AGBL4: variants seen among roughly 807,000 people sequenced by gnomAD.
AGBL4 encodes the protein AGBL carboxypeptidase 4, also known as cytosolic carboxypeptidase 6.
In AGBL4, 58 loss-of-function variants were observed where a neutral mutation model predicts 66.4. That is an observed-to-expected ratio of 0.87 (90% CI 0.71 to 1.09). AGBL4 has a LOEUF of 1.09. Ranked by LOEUF, AGBL4 falls within the 50% of genes least tolerant of loss-of-function variation. The pLI is 0.00. For synonymous variants in AGBL4, 234 were observed against 222.9 expected, an observed-to-expected ratio of 1.05 and a Z score of -0.44; for missense variants, 579 against 631.0, an observed-to-expected ratio of 0.92 and a Z score of 0.88.
intron 3 of AGBL4, among the ~76,000 whole-genome samples, chr1:49,249,666 C>T (rs1014354952): frequency 2.0e-5 from 3 of 152,056 alleles, no homozygotes; most frequent in Admixed American, 6.6e-5. Flanking sequence ...TATACAAGTT[C>T]CTCAAAATAC....
intron 6 of AGBL4, among the ~76,000 whole-genome samples, chr1:48,692,936 G>T (rs996445935): frequency 4.6e-5 from 7 of 152,126 alleles, no homozygotes; most frequent in Non-Finnish European, 8.8e-5. Flanking sequence ...TTCTTACCTG[G>T]ATTACTTCAT....
intron 6 of AGBL4, among the ~76,000 whole-genome samples, chr1:48,856,869 A>AGT (rs1647171632): frequency 6.6e-6 from 1 of 152,204 alleles, no homozygotes; most frequent in Non-Finnish European, 1.5e-5. Context: ...CATGTCCCTG[A>AGT]CATTCTAGGC....
At chr1:49,750,918 G>A (rs1029834785) in intron 2 of AGBL4, among the ~76,000 whole-genome samples, 6 of 152,164 alleles carry the variant, frequency 3.9e-5, no homozygotes, top group Non-Finnish European at 5.9e-5. Context: ...CAAATGATGC[G>A]ATTTTTGCAC....
intron 4 of AGBL4, 108 bp from the exon 5 acceptor site, chr1:49,045,908 A>G: frequency 2.3e-6 from 2 of 880,302 alleles, no homozygotes; most frequent in Non-Finnish European, 3.5e-6. Flanking sequence ...ATCAAGAACC[A>G]TGGGTGATGG....
intron 3 of AGBL4, among the ~76,000 whole-genome samples, chr1:49,602,062 G>T (rs528382941): frequency 6.3e-4 from 96 of 152,246 alleles, no homozygotes; most frequent in Non-Finnish European, 9.7e-4. Flanking sequence ...CTTCTCAAAA[G>T]AAGACATTTA....
At chr1:49,607,226 T>C (rs1223232838) in intron 3 of AGBL4, among the ~76,000 whole-genome samples, 1 of 152,020 alleles carries the variant, frequency 6.6e-6, no homozygotes, top group Non-Finnish European at 1.5e-5. Context: ...TGCCCCAACT[T>C]CTCCCAAACA....
chr1:49,558,913 C>T (rs1643967557), intron 3 of AGBL4, among the ~76,000 whole-genome samples: 1 of 152,092 alleles, frequency 6.6e-6, no homozygotes, highest in African/African-American at 2.4e-5. Flanking sequence ...GCCAGTTCAG[C>T]TACAGTATAA....
intron 4 of AGBL4, among the ~76,000 whole-genome samples, chr1:49,170,269 T>C (rs1481485051): frequency 1.4e-5 from 2 of 145,740 alleles, no homozygotes; most frequent in Non-Finnish European, 3.0e-5. Context: ...AAATTTATAT[T>C]CATATAAATA....
chr1:49,543,842 G>C (rs1346089474), intron 3 of AGBL4, among the ~76,000 whole-genome samples: 1 of 152,166 alleles, frequency 6.6e-6, no homozygotes, highest in Non-Finnish European at 1.5e-5. Context: ...CCTCGTAACT[G>C]TTGCACTTTG....
chr1:48,969,521 T>G (rs1267882075), intron 5 of AGBL4, among the ~76,000 whole-genome samples: 1 of 152,126 alleles, frequency 6.6e-6, no homozygotes, highest in East Asian at 1.9e-4. Flanking sequence ...TTGCAAAGAT[T>G]AAATTAATAG....
intron 4 of AGBL4, among the ~76,000 whole-genome samples, chr1:49,235,513 C>T (rs1385168333): frequency 6.6e-6 from 1 of 152,164 alleles, no homozygotes; most frequent in African/African-American, 2.4e-5. Context: ...GCAAATCAGT[C>T]CCATGAGGGC....
chr1:49,826,424 A>G (rs1164984920), intron 2 of AGBL4, among the ~76,000 whole-genome samples: 1 of 152,242 alleles, frequency 6.6e-6, no homozygotes, highest in African/African-American at 2.4e-5. Flanking sequence ...AATTATGAAC[A>G]GAGTGACAAA....
chr1:48,693,421 C>A (rs1054742194), intron 6 of AGBL4, among the ~76,000 whole-genome samples: 1 of 152,234 alleles, frequency 6.6e-6, no homozygotes, highest in South Asian at 2.1e-4. Flanking sequence ...TGACCCATGG[C>A]TGACCTGCTT....
chr1:49,569,819 G>A (rs1644290352), intron 3 of AGBL4, among the ~76,000 whole-genome samples: 1 of 151,966 alleles, frequency 6.6e-6, no homozygotes, highest in Admixed American at 6.6e-5. Flanking sequence ...TCTCACTTAT[G>A]AGTGAGAACA....
chr1:48,576,689 C>T (rs1167058720), intron 11 of AGBL4, among the ~76,000 whole-genome samples: 3 of 152,048 alleles, frequency 2.0e-5, no homozygotes, highest in South Asian at 2.1e-4. Context: ...TATCAATATT[C>T]GACATAGAGT....
At chr1:49,171,791 A>C (rs935145232) in intron 4 of AGBL4, among the ~76,000 whole-genome samples, 1 of 152,194 alleles carries the variant, frequency 6.6e-6, no homozygotes, top group Admixed American at 6.5e-5. Flanking sequence ...AATATACTAC[A>C]TGTATATGAT....
At chr1:48,981,982 G>A (rs186125606) in intron 5 of AGBL4, among the ~76,000 whole-genome samples, 1 of 152,314 alleles carries the variant, frequency 6.6e-6, no homozygotes, top group African/African-American at 2.4e-5. Flanking sequence ...CTGGAGAAGT[G>A]TTGATAACAG....
chr1:49,129,403 G>A (rs1015312029), intron 4 of AGBL4, among the ~76,000 whole-genome samples: 14 of 151,854 alleles, frequency 9.2e-5, no homozygotes, highest in Non-Finnish European at 1.5e-4. Flanking sequence ...ATGCTGGTGT[G>A]CTGCACCCAT....
intron 6 of AGBL4, among the ~76,000 whole-genome samples, chr1:48,810,598 G>A (rs1453866302): frequency 6.6e-6 from 1 of 152,196 alleles, no homozygotes; most frequent in Non-Finnish European, 1.5e-5. Context: ...GTATAGCATA[G>A]TCCTGGGCAT....
Sources: gnomAD v4.1 joint callset for allele counts (sites outside exome capture counted in the v4.1 genomes callset) on GRCh38, gnomAD v4.1.1 for gene constraint, MANE v1.5 for transcripts, NCBI Gene and HGNC (gene_info 2026-07-23, HGNC 2026-07-21) for gene names.